The following SMOC1 variants were observed in gnomAD, a reference collection of about 807,000 sequenced individuals.
SMOC1 encodes the protein SPARC related modular calcium binding 1.
SMOC1 carries 22 observed loss-of-function variants against 56.3 expected under a neutral mutation model. The ratio of observed to expected loss-of-function variants is 0.39; its 90% CI spans 0.28 to 0.56. The LOEUF (loss-of-function observed/expected upper bound fraction) is 0.56, where lower values mean the gene tolerates loss of function less well. Among genes scored for constraint, SMOC1 ranks in the 20% least tolerant of loss-of-function variants. SMOC1 has a pLI of 0.61. For missense variants in SMOC1, 509 were observed against 565.4 expected (o/e 0.90, Z 1.01); for synonymous variants, 193 against 215.0 (o/e 0.90, Z 0.89).
intron 1 of SMOC1, among the ~76,000 whole-genome samples, chr14:69,899,639 A>T (rs1427661326): frequency 1.3e-5 from 2 of 152,214 alleles, no homozygotes; most frequent in African/African-American, 4.8e-5. Flanking sequence ...GGACTAATAC[A>T]AATGGCAAGG....
chr14:70,028,548 G>A (rs1001795503), intron 11 of SMOC1, among the ~76,000 whole-genome samples: 2 of 152,238 alleles, frequency 1.3e-5, no homozygotes, highest in Non-Finnish European at 2.9e-5. Context: ...TTAGGTAACA[G>A]GATTAGCACA....
chr14:70,006,843 C>T (rs1885164196), intron 7 of SMOC1, among the ~76,000 whole-genome samples: 1 of 152,160 alleles, frequency 6.6e-6, no homozygotes, highest in Non-Finnish European at 1.5e-5. Flanking sequence ...TAGGCGAGAC[C>T]AGCTTCCTTG....
chr14:69,947,109 C>T (rs1038522229), intron 1 of SMOC1, among the ~76,000 whole-genome samples: 4 of 150,674 alleles, frequency 2.7e-5, no homozygotes, highest in African/African-American at 9.8e-5. Context: ...TCCTTCCTTC[C>T]TTCCTTCCTT....
At chr14:69,910,801 C>A (rs1884538369) in intron 1 of SMOC1, among the ~76,000 whole-genome samples, 1 of 152,082 alleles carries the variant, frequency 6.6e-6, no homozygotes, top group African/African-American at 2.4e-5. Context: ...TAGGGATTAA[C>A]CCTGGATATT....
intron 3 of SMOC1, 71 bp downstream of exon 3, chr14:69,953,603 AG>A: frequency 7.6e-7 from 1 of 1,324,432 alleles, no homozygotes; most frequent in South Asian, 1.2e-5. Flanking sequence ...CGAGAGCGCG[AG>A]GGCTGCTTGG....
intron 1 of SMOC1, among the ~76,000 whole-genome samples, chr14:69,932,687 C>A (rs1005711628): frequency 6.6e-6 from 1 of 152,162 alleles, no homozygotes; most frequent in African/African-American, 2.4e-5. Context: ...GGGGACCGAC[C>A]CCTGTGCTTT....
intron 5 of SMOC1, among the ~76,000 whole-genome samples, chr14:69,987,120 C>T (rs1020769608): frequency 1.3e-5 from 2 of 152,192 alleles, no homozygotes; most frequent in African/African-American, 4.8e-5. Context: ...CTCAGAATCA[C>T]ATGTGGAGGG....
intron 1 of SMOC1, among the ~76,000 whole-genome samples, chr14:69,933,058 G>A (rs896718811): frequency 6.6e-6 from 1 of 152,078 alleles, no homozygotes; most frequent in Non-Finnish European, 1.5e-5. Context: ...ACATTATGGG[G>A]TGCAGAGCAA....
intron 1 of SMOC1, among the ~76,000 whole-genome samples, chr14:69,936,272 C>T (rs1885293424): frequency 6.6e-6 from 1 of 152,214 alleles, no homozygotes; most frequent in Admixed American, 6.5e-5. Flanking sequence ...AGAGTTCATC[C>T]CAACTGGTGA....
At chr14:69,910,938 A>G (rs1356528370) in intron 1 of SMOC1, among the ~76,000 whole-genome samples, 1 of 152,116 alleles carries the variant, frequency 6.6e-6, no homozygotes, top group African/African-American at 2.4e-5. Context: ...CCAAGGACGG[A>G]GACTGTTATA....
rs377020130 is a variant in SMOC1, at chr14:69,879,861, G to A, written c.99+84G>A. The A allele has an allele frequency of 7.3e-6, 9 of 1,236,940 alleles. No homozygotes were observed. In the African/African-American group the frequency reaches 1.1e-4, roughly 15 times the overall value. 76.6% of individuals were successfully genotyped at this position (1,236,940 alleles called of 1,614,324 possible). ...TCATCCCTGAGGGAAGGAGGAGGGG[G>A]AAGAGAGATGTCAGAGACCTGTTGT... On this transcript the variant is annotated intron_variant, in intron 1 of 11. Transcript: ENST00000361956.
intron 1 of SMOC1, among the ~76,000 whole-genome samples, chr14:69,882,344 G>A (rs543002987): frequency 6.6e-6 from 1 of 152,300 alleles, no homozygotes; most frequent in East Asian, 1.9e-4. Context: ...GAAACCAAGA[G>A]CATGCCCTTT....
At chr14:69,923,542 G>A (rs1475327620) in intron 1 of SMOC1, among the ~76,000 whole-genome samples, 11 of 151,936 alleles carry the variant, frequency 7.2e-5, no homozygotes, top group Non-Finnish European at 1.3e-4. Flanking sequence ...CTCTCAGTGC[G>A]GGACAACCCC....
intron 7 of SMOC1, among the ~76,000 whole-genome samples, chr14:70,007,923 A>G (rs1885201523): frequency 6.6e-6 from 1 of 152,186 alleles, no homozygotes; most frequent in Non-Finnish European, 1.5e-5. Flanking sequence ...TACTCTTCAC[A>G]GAGGGTTAGT....
intron 11 of SMOC1, among the ~76,000 whole-genome samples, chr14:70,027,082 C>G (rs570130637): frequency 9.5e-4 from 145 of 152,264 alleles, no homozygotes; most frequent in Non-Finnish European, 2.0e-3. Context: ...TGTCCCCACT[C>G]TCCATTTCAA....
intron 1 of SMOC1, among the ~76,000 whole-genome samples, chr14:69,905,062 A>G (rs544097095): frequency 6.6e-6 from 1 of 152,308 alleles, no homozygotes. Flanking sequence ...ATACAGACTC[A>G]TATCGTGATG....
At position 70,032,366 on chromosome 14, in the gene SMOC1, G is replaced by T. The variant is rs1453860790; in HGVS notation, c.*2108G>T. The T allele has an allele frequency of 2.0e-5, 3 of 152,254 alleles. No individual in the cohort carries two copies. The highest frequency in any genetic ancestry group is 4.4e-5 in the Non-Finnish European group (3 of 68,058). 9.4% of individuals were successfully genotyped at this position (152,254 alleles called of 1,614,324 possible). A position where few individuals can be genotyped will look rare whatever the true frequency, so the allele number is the denominator to read the frequency against. ...AAAAAATAAAAAATGGGTAAATCTT[G>T]GCGGCTGTTGCCTCTTTCTTTGGGT... On this transcript the variant is annotated 3_prime_UTR_variant, in exon 12 of 12. Coordinates refer to ENST00000361956, the MANE Select transcript of SMOC1 (RefSeq NM_001034852.3).
chr14:69,979,608 TG>T (rs139779695), intron 5 of SMOC1, among the ~76,000 whole-genome samples: 3,559 of 152,032 alleles, frequency 0.023, 64 homozygotes, highest in South Asian at 0.047. Context: ...GTGTGTGTGT[TG>T]TTTTTTTTCT....
At chr14:69,903,168 G>T (rs1326272513) in intron 1 of SMOC1, among the ~76,000 whole-genome samples, 1 of 152,006 alleles carries the variant, frequency 6.6e-6, no homozygotes, top group Non-Finnish European at 1.5e-5. Context: ...CGTCTAGGAA[G>T]TCAGGAGCGT....
Sources: allele counts gnomAD v4.1 joint callset (sites outside exome capture counted in the v4.1 genomes callset), GRCh38; gene constraint gnomAD v4.1.1; transcripts MANE v1.5; gene names NCBI Gene and HGNC (gene_info 2026-07-23, HGNC 2026-07-21).